The following PGCKA1 variants were observed in gnomAD, a reference collection of about 807,000 sequenced individuals.
PGCKA1 encodes the protein PDCD10 and GCKIII kinases associated 1.
At chr4:37,551,503 A>G in the PGCKA1 span, among the ~76,000 whole-genome samples, 8 of 152,318 alleles carry the variant, frequency 5.3e-5, no homozygotes, top group South Asian at 2.1e-4. Context: ...CCCGGCAAAA[A>G]AACCCTCAGA....
chr4:37,510,267 A>G, the PGCKA1 span, among the ~76,000 whole-genome samples: 1 of 151,902 alleles, frequency 6.6e-6, no homozygotes, highest in Admixed American at 6.6e-5. Flanking sequence ...CTTGATATTT[A>G]TGGAAGTTCA....
At chr4:37,480,852 C>T in the PGCKA1 span, among the ~76,000 whole-genome samples, 3 of 152,194 alleles carry the variant, frequency 2.0e-5, no homozygotes, top group Middle Eastern at 3.2e-3. Flanking sequence ...AGCCATTAGG[C>T]TGATGCCTTT....
the PGCKA1 span, among the ~76,000 whole-genome samples, chr4:37,544,710 G>A: frequency 6.6e-6 from 1 of 151,778 alleles, no homozygotes; most frequent in Non-Finnish European, 1.5e-5. Flanking sequence ...AACATGATGA[G>A]GATGTTATTG....
chr4:37,509,959 G>C, the PGCKA1 span, among the ~76,000 whole-genome samples: 1 of 134,070 alleles, frequency 7.5e-6, no homozygotes, highest in African/African-American at 2.5e-5. Context: ...CGTGGAGAGA[G>C]AGGGAGCGGG....
At chr4:37,527,746 C>CA in the PGCKA1 span, among the ~76,000 whole-genome samples, 1 of 151,146 alleles carries the variant, frequency 6.6e-6, no homozygotes, top group African/African-American at 2.4e-5. Context: ...AGGAGAATGG[C>CA]AGGAACCCAG....
the PGCKA1 span, among the ~76,000 whole-genome samples, chr4:37,534,961 A>G: frequency 2.0e-5 from 3 of 152,336 alleles, no homozygotes; most frequent in South Asian, 4.1e-4. Flanking sequence ...TTGAATGCCT[A>G]TCATATACTA....
At chr4:37,575,976 C>A in the PGCKA1 span, among the ~76,000 whole-genome samples, 244 of 152,212 alleles carry the variant, frequency 1.6e-3, 1 homozygote, top group Non-Finnish European at 2.4e-3. Context: ...TATGCCAAAA[C>A]CATGCTGTAC....
At chr4:37,515,397 C>T in the PGCKA1 span, among the ~76,000 whole-genome samples, 1 of 152,144 alleles carries the variant, frequency 6.6e-6, no homozygotes, top group Non-Finnish European at 1.5e-5. Context: ...CACAAAGGTC[C>T]ACCCAAGTTT....
At chr4:37,526,501 G>A in the PGCKA1 span, among the ~76,000 whole-genome samples, 1 of 151,694 alleles carries the variant, frequency 6.6e-6, no homozygotes, top group Non-Finnish European at 1.5e-5. Context: ...TCACAGCTTT[G>A]TTCTAACAAT....
chr4:37,478,489 G>A, the PGCKA1 span, among the ~76,000 whole-genome samples: 1 of 152,228 alleles, frequency 6.6e-6, no homozygotes, highest in African/African-American at 2.4e-5. Flanking sequence ...GCCAAACAGA[G>A]GTTGGCCCTT....
the PGCKA1 span, among the ~76,000 whole-genome samples, chr4:37,480,326 C>A: frequency 2.0e-5 from 3 of 152,150 alleles, no homozygotes; most frequent in African/African-American, 4.8e-5. Context: ...AACCTCGTCT[C>A]TACTAAAAAT....
At chr4:37,591,098 C>T in the PGCKA1 span, 1 of 980,526 alleles carries the variant, frequency 1.0e-6, no homozygotes. Flanking sequence ...CCAGCATGCA[C>T]CAGTGCAGCC....
At chr4:37,520,103 GATAA>G in the PGCKA1 span, among the ~76,000 whole-genome samples, 3 of 152,164 alleles carry the variant, frequency 2.0e-5, no homozygotes, top group East Asian at 5.8e-4. Context: ...GCATCCCAGG[GATAA>G]ATGCCATGTG....
chr4:37,511,750 A>G, the PGCKA1 span, among the ~76,000 whole-genome samples: 1 of 152,228 alleles, frequency 6.6e-6, no homozygotes, highest in Non-Finnish European at 1.5e-5. Flanking sequence ...CCACTGGCTC[A>G]GAGCCCAGCT....
chr4:37,465,196 G>A, the PGCKA1 span, among the ~76,000 whole-genome samples: 2 of 151,862 alleles, frequency 1.3e-5, no homozygotes, highest in East Asian at 3.9e-4. Context: ...TTATACTGGA[G>A]GGCCCATTCC....
At chr4:37,501,757 C>T in the PGCKA1 span, among the ~76,000 whole-genome samples, 2 of 152,188 alleles carry the variant, frequency 1.3e-5, no homozygotes, top group African/African-American at 4.8e-5. Context: ...CTATTTCTGT[C>T]ATTTCAGCCA....
the PGCKA1 span, among the ~76,000 whole-genome samples, chr4:37,592,342 C>A: frequency 1.4e-5 from 2 of 140,838 alleles, no homozygotes; most frequent in Non-Finnish European, 3.1e-5. Context: ...TTAGCGAGAC[C>A]CCATCTCTAT....
the PGCKA1 span, among the ~76,000 whole-genome samples, chr4:37,572,063 C>CTTTTTTTTTTTTTTTTTTT: frequency 1.1e-5 from 1 of 89,972 alleles, no homozygotes; most frequent in Non-Finnish European, 2.0e-5. Flanking sequence ...TTTTTTTTTT[C>CTTTTTTTTTTTTTTTTTTT]TTTTTTTTTT....
At chr4:37,492,230 C>T in the PGCKA1 span, among the ~76,000 whole-genome samples, 4 of 152,008 alleles carry the variant, frequency 2.6e-5, no homozygotes, top group Non-Finnish European at 5.9e-5. The surrounding 1 kb of genome is among the most constrained non-coding windows in gnomAD (Gnocchi z 4.7). Flanking sequence ...TTAAATTTTT[C>T]TTTTACCTCC....
Sources: gnomAD v4.1 joint callset for allele counts (sites outside exome capture counted in the v4.1 genomes callset) on GRCh38, gnomAD v4.1.1 for gene constraint, Gnocchi (gnomAD v3.1) non-coding constraint, MANE v1.5 for transcripts, NCBI Gene and HGNC (gene_info 2026-07-23, HGNC 2026-07-21) for gene names.